The following GNE variants were observed in gnomAD, a reference collection of about 807,000 sequenced individuals.
GNE encodes glucosamine (UDP-N-acetyl)-2-epimerase/N-acetylmannosamine kinase, also known as bifunctional UDP-N-acetylglucosamine 2-epimerase/N-acetylmannosamine kinase.
GNE carries 41 observed loss-of-function variants against 61.8 expected under a neutral mutation model. The observed-to-expected ratio is 0.66, with a 90% CI of 0.52 to 0.86. The LOEUF is 0.86. Ranked by LOEUF, GNE falls within the 40% of genes least tolerant of loss-of-function variation. The pLI, the probability that GNE is intolerant of heterozygous loss-of-function variation, is 0.00. For synonymous variants in GNE, 264 were observed against 326.4 expected, an observed-to-expected ratio of 0.81 and a Z score of 2.06; for missense variants, 608 against 909.1, an observed-to-expected ratio of 0.67 and a Z score of 4.26.
chr9:36,232,508 T>C (rs1438522752), intron 5 of GNE, among the ~76,000 whole-genome samples: 1 of 152,192 alleles, frequency 6.6e-6, no homozygotes. Flanking sequence ...ACTCTGCCTC[T>C]TGCTCACTAC....
chr9:36,218,312 A>G lies in GNE; in HGVS notation c.1817-13T>C. 6.3e-7 allele frequency: 1 copy of G among 1,590,946 alleles called. No individual in the cohort carries two copies. The highest frequency in any genetic ancestry group is 8.6e-7 in the Non-Finnish European group (1 of 1,158,900). On this transcript the variant is annotated splice_polypyrimidine_tract_variant and intron_variant, in intron 10 of 11. Coordinates refer to ENST00000642385, the MANE Select transcript of GNE (RefSeq NM_005476.7). This position sits in a 1 kb window ranked among gnomAD's most constrained non-coding sequence, Gnocchi z 4.1. ...AAGAGCAGGTCCTCTGAACAGAGTG[A>G]GAAGGAAAAGCAGTCACTAATGAGC...
chr9:36,245,270 C>CA (rs916656974), intron 3 of GNE, among the ~76,000 whole-genome samples: 16 of 147,268 alleles, frequency 1.1e-4, no homozygotes, highest in Admixed American at 6.8e-5. Context: ...TCTCAAAAAA[C>CA]AAAAAAAAAA....
At chr9:36,238,767 T>A (rs956996397) in intron 3 of GNE, among the ~76,000 whole-genome samples, 1 of 152,220 alleles carries the variant, frequency 6.6e-6, no homozygotes, top group Non-Finnish European at 1.5e-5. Context: ...TATCTTTGTT[T>A]TATCGTATTT....
At chr9:36,226,339 AT>A (rs35541515) in intron 7 of GNE, among the ~76,000 whole-genome samples, 1,555 of 141,216 alleles carry the variant, frequency 0.011, 15 homozygotes, top group African/African-American at 0.029. Flanking sequence ...TGCCCAGCTA[AT>A]TTTTTTTTTT....
At position 36,246,467 on chromosome 9, in the gene GNE, C is replaced by T; in HGVS notation, c.180G>A (p.Met60Ile). Residue 60 changes from methionine to isoleucine, a missense_variant, in exon 3 of 12, where the codon ATG (methionine) becomes ATA (isoleucine). Physicochemically the swap from Met to Ile is conservative, Grantham distance 10 (BLOSUM62 1). Coordinates refer to ENST00000642385, the MANE Select transcript of GNE (RefSeq NM_005476.7). ...LIDDYGNTYRMIEQDDFDINT... is the reference protein window; with the variant it reads ...LIDDYGNTYRIIEQDDFDINT... ...TAATGTCAAAGTCATCTTGTTCAAT[C>T]ATTCGATATGTATTTCTAAAGCCGG... 3 of 1,612,286 alleles carry T rather than the reference C, an allele frequency of 1.9e-6. No homozygotes were observed. The highest frequency in any genetic ancestry group is 2.5e-6 in the Non-Finnish European group (3 of 1,178,782).
At chr9:36,222,247 T>C (rs1292492163) in intron 9 of GNE, among the ~76,000 whole-genome samples, 1 of 151,304 alleles carries the variant, frequency 6.6e-6, no homozygotes, top group Non-Finnish European at 1.5e-5. Context: ...TGAAACCCCG[T>C]CTCTACTAAA....
intron 10 of GNE, among the ~76,000 whole-genome samples, 192 bp downstream of exon 10, chr9:36,219,645 CT>C (rs1828493641): frequency 6.6e-6 from 1 of 152,198 alleles, no homozygotes; most frequent in South Asian, 2.1e-4. Flanking sequence ...ACCACCACCC[CT>C]GGGGAGGAAG....
chr9:36,246,277 C>T lies in GNE; in HGVS notation c.370G>A (p.Ala124Thr). 2.5e-6 allele frequency: 4 copies of T among 1,614,174 alleles called. No individual in the cohort carries two copies. Among genetic ancestry groups the T allele is most frequent in the Non-Finnish European group, 3.4e-6 (4 of 1,179,998 alleles). Residue 124 changes from alanine (A) to threonine (T), a missense_variant, in exon 3 of 12, where the codon GCC becomes ACC. Physicochemically the swap from Ala to Thr is moderately conservative, Grantham distance 58. Coordinates refer to ENST00000642385, the MANE Select transcript of GNE (RefSeq NM_005476.7). ...FDALALATSA[A>T]LMNIRILHIE... Reference sequence around the variant, plus strand: ...TGAAGGATTCGGATGTTCATCAAGGCAGCAGATGTGGCCAGAGCCAGGGCA... The same window carrying T: ...TGAAGGATTCGGATGTTCATCAAGGTAGCAGATGTGGCCAGAGCCAGGGCA...
chr9:36,229,569 G>A (rs1156891644), intron 5 of GNE, among the ~76,000 whole-genome samples: 1 of 152,184 alleles, frequency 6.6e-6, no homozygotes, highest in East Asian at 1.9e-4. Context: ...CAATGGGTTT[G>A]GCTAAGAAGA....
At position 36,234,075 on chromosome 9, in the gene GNE, A is replaced by C; in HGVS notation, c.827T>G (p.Phe276Cys). Reference sequence around the variant, plus strand: ...AAATGGGACGTGTTTAACTGCACGAAAGTTGGGATGATGCTCAATGCCCTT... The same window carrying C: ...AAATGGGACGTGTTTAACTGCACGACAGTTGGGATGATGCTCAATGCCCTT... ...RKKGIEHHPN[F>C]RAVKHVPFDQ... The change falls in exon 5 of 12, where the codon TTT becomes TGT. Residue 276 changes from phenylalanine to cysteine, a missense_variant. Coordinates refer to ENST00000642385, the MANE Select transcript of GNE (RefSeq NM_005476.7). 6.2e-7 allele frequency: 1 copy of C among 1,614,180 alleles called. No individual in the cohort carries two copies. Among genetic ancestry groups the C allele is most frequent in the South Asian group, 1.1e-5 (1 of 91,086 alleles).
intron 1 of GNE, among the ~76,000 whole-genome samples, chr9:36,272,620 C>CAAAAA (rs58934783): frequency 6.7e-5 from 5 of 74,110 alleles, no homozygotes; most frequent in South Asian, 5.6e-4. Flanking sequence ...GACTCCGCCT[C>CAAAAA]AAAAAAAAAA....
rs71336439 is a variant in GNE at position 36,274,068 on chromosome 9, C to CTGTGTGTG, written c.51+2818_51+2825dup. 4.4e-3 allele frequency among the ~76,000 whole-genome samples: 627 copies of CTGTGTGTG among 142,292 alleles called. 2 individuals carry two copies. Among genetic ancestry groups the CTGTGTGTG allele is most frequent in the African/African-American group, 0.014 (542 of 37,528 alleles). 93.3% of individuals were successfully genotyped at this position (142,292 alleles called of 152,430 possible). ...AACCCAGGTGCTTCGGTCTATGGTA[C>CTGTGTGTG]TGTGTGTGTGTGTGTGTGTGTGTGT... On this transcript the variant is annotated intron_variant, in intron 1 of 11. Transcript: ENST00000396594.
rs761447556 is a variant in GNE, at chr9:36,215,790, G to C, written c.*1575C>G. The C allele has an allele frequency of 6.6e-6, 1 of 152,314 alleles. No homozygotes were observed. Among genetic ancestry groups the C allele is most frequent in the African/African-American group, 2.4e-5 (1 of 41,430 alleles). The allele number at this position is 152,314 out of a possible 1,614,324, so 9.4% of individuals were successfully genotyped here. A position where few individuals can be genotyped will look rare whatever the true frequency, so the allele number is the denominator to read the frequency against. Reference sequence around the variant, plus strand: ...TGTATTTTGACACCAATGAAAACACGAATCATGTAGACAGAATCCTGATTC... The same window carrying C: ...TGTATTTTGACACCAATGAAAACACCAATCATGTAGACAGAATCCTGATTC... On this transcript the variant is annotated 3_prime_UTR_variant, in exon 12 of 12. Coordinates refer to ENST00000642385, the MANE Select transcript of GNE (RefSeq NM_005476.7).
intron 5 of GNE, among the ~76,000 whole-genome samples, chr9:36,230,641 A>G (rs567894682): frequency 1.4e-4 from 21 of 150,334 alleles, no homozygotes; most frequent in African/African-American, 5.2e-4. Context: ...ATTTTTTTGT[A>G]GAGAGAAAAT....
At position 36,249,626 on chromosome 9, in the gene GNE, C is replaced by T. The variant is rs187572858; in HGVS notation, c.-42-229G>A. 3.3e-5 allele frequency among the ~76,000 whole-genome samples: 5 copies of T among 152,186 alleles called. No individual in the cohort carries two copies. In the East Asian group the frequency reaches 9.6e-4, roughly 29 times the overall value. ...GGGAGTGGTGGCTTACGCCTGTAATCCCAGCACTTTGGGAGGCCGAGGTGG... is the reference window on the plus strand; with the variant it reads ...GGGAGTGGTGGCTTACGCCTGTAATTCCAGCACTTTGGGAGGCCGAGGTGG... On this transcript the variant is annotated intron_variant, in intron 1 of 11. Transcript: ENST00000642385.
At position 36,223,471 on chromosome 9, in the gene GNE, T is replaced by A. The variant is rs772723683; in HGVS notation, c.1313A>T (p.Asn438Ile). The part of the protein sequence containing the change: ...GEIVKKYTQF[N>I]PKTYEERINL... ...AATCCTCTCTTCATAGGTTTTAGGA[T>A]TGAACTGAGTATACTTCTTAACTAT... Residue 438 changes from asparagine to isoleucine, a missense_variant, in exon 8 of 12, where the codon AAT (asparagine) becomes ATT (isoleucine). Asn to Ile is a moderately radical substitution (Grantham distance 149, BLOSUM62 -3). Transcript: ENST00000642385. 3.7e-6 allele frequency: 6 copies of A among 1,610,700 alleles called. No individual in the cohort carries two copies. The highest frequency in any genetic ancestry group is 2.2e-5 in the South Asian group (2 of 91,022).
chr9:36,273,894 C>G (rs541334022), intron 1 of GNE, among the ~76,000 whole-genome samples: 32 of 152,052 alleles, frequency 2.1e-4, no homozygotes, highest in Non-Finnish European at 4.1e-4. Context: ...CTCGGCCCCC[C>G]AAAGTGCTGG....
Position 36,236,940 on chromosome 9 carries a change from GGTGCT to G in GNE, c.656_660del (p.Gln219ProfsTer5). On this transcript the variant is annotated frameshift_variant, in exon 4 of 12. Coordinates refer to ENST00000642385, the MANE Select transcript of GNE (RefSeq NM_005476.7). LOFTEE classifies it high-confidence loss of function. ...GAATGCTTAATGTCAGTGGTCACAG[GGTGCT>G]GTAGTGCAACAATGTAATCTTTAGA... The G allele has an allele frequency of 6.2e-7, 1 of 1,611,536 alleles. No homozygotes were observed. The highest frequency in any genetic ancestry group is 8.5e-7 in the Non-Finnish European group (1 of 1,177,708).
intron 7 of GNE, among the ~76,000 whole-genome samples, chr9:36,226,431 A>T (rs535605536): frequency 1.5e-4 from 23 of 151,066 alleles, no homozygotes; most frequent in African/African-American, 5.1e-4. Flanking sequence ...TGATCTGCCC[A>T]CCTGGACTTC....
Sources: gnomAD v4.1 joint callset for allele counts (sites outside exome capture counted in the v4.1 genomes callset) on GRCh38, gnomAD v4.1.1 for gene constraint, Gnocchi (gnomAD v3.1) non-coding constraint, MANE v1.5 for transcripts, NCBI Gene and HGNC (gene_info 2026-07-23, HGNC 2026-07-21) for gene names.